ATP2B4: variants seen among roughly 807,000 people sequenced by gnomAD.
ATP2B4 encodes ATPase plasma membrane Ca2+ transporting 4, also known as plasma membrane calcium-transporting ATPase 4.
In ATP2B4, 39 loss-of-function variants were observed where a neutral mutation model predicts 110.3. The ratio of observed to expected loss-of-function variants is 0.35; its 90% CI spans 0.27 to 0.46. The LOEUF is 0.46. Ranked by LOEUF, ATP2B4 falls within the 20% of genes least tolerant of loss-of-function variation. ATP2B4 has a pLI of 1.00. For synonymous variants in ATP2B4, 538 were observed against 571.7 expected (o/e 0.94, Z 0.84); for missense variants, 1,135 against 1,530.9 (o/e 0.74, Z 4.32).
chr1:203,646,924 T>C (rs1663819377), intron 1 of ATP2B4, among the ~76,000 whole-genome samples: 1 of 152,106 alleles, frequency 6.6e-6, no homozygotes, highest in African/African-American at 2.4e-5. Flanking sequence ...TCTTTTAGTC[T>C]TTTATATACG....
chr1:203,672,324 CTTTTTTTTTTTTTTTTTTTTT>C (rs57144862), intron 1 of ATP2B4, among the ~76,000 whole-genome samples: 114 of 79,616 alleles, frequency 1.4e-3, no homozygotes, highest in Non-Finnish European at 1.8e-3. Context: ...TGCGGTGGCT[CTTTTTTTTTTTTTTTTTTTTT>C]TTTTTTTTTT....
intron 5 of ATP2B4, 133 bp from the exon 6 acceptor site, chr1:203,700,665 T>C (rs1571738069): frequency 7.8e-7 from 1 of 1,286,804 alleles, no homozygotes; most frequent in Non-Finnish European, 1.1e-6. Flanking sequence ...CTTGACCTTT[T>C]CCTACTGTGC....
chr1:203,733,570 C>A, intron 20 of ATP2B4: 3 of 568,252 alleles, frequency 5.3e-6, no homozygotes, highest in Non-Finnish European at 5.8e-6. Flanking sequence ...GACTGTGTGC[C>A]CTTGTATTTT....
chr1:203,732,174 A>G (rs1016791143), intron 20 of ATP2B4, among the ~76,000 whole-genome samples: 9 of 151,364 alleles, frequency 5.9e-5, no homozygotes, highest in Non-Finnish European at 1.0e-4. Context: ...AAAAAAAAAA[A>G]AAGGAAGGAA....
chr1:203,647,373 C>A (rs1315512640), intron 1 of ATP2B4, among the ~76,000 whole-genome samples: 3 of 151,760 alleles, frequency 2.0e-5, no homozygotes, highest in African/African-American at 7.3e-5. Flanking sequence ...GGCTTTGAGG[C>A]TGTAGTGAGC....
intron 14 of ATP2B4, 77 bp downstream of exon 14, chr1:203,713,329 A>G: frequency 6.5e-7 from 1 of 1,530,914 alleles, no homozygotes; most frequent in Non-Finnish European, 9.0e-7. Context: ...ACCACCAGCC[A>G]AAGCCACTCT....
chr1:203,669,538 G>A (rs956433559), intron 1 of ATP2B4, among the ~76,000 whole-genome samples: 1 of 152,150 alleles, frequency 6.6e-6, no homozygotes, highest in Non-Finnish European at 1.5e-5. Context: ...TCAGGTTCAA[G>A]CGATTCTCCT....
At position 203,700,138 on chromosome 1, in the gene ATP2B4, G is replaced by C. The variant is rs940558997; in HGVS notation, c.650-68G>C. 1.2e-5 allele frequency: 19 copies of C among 1,546,758 alleles called. No homozygotes were observed. In the Admixed American group the frequency reaches 2.1e-4, roughly 17 times the overall value. ...CCATGAGATAGGGTTGAAGGAGTTG[G>C]AGGACCCTACCCTCAGCCAGTCTCT... On this transcript the variant is annotated intron_variant, in intron 4 of 20. Transcript: ENST00000357681.
At chr1:203,651,367 T>C (rs1663988489) in intron 1 of ATP2B4, among the ~76,000 whole-genome samples, 1 of 152,328 alleles carries the variant, frequency 6.6e-6, no homozygotes, top group East Asian at 1.9e-4. Context: ...TGCTTATTTA[T>C]ATATGCTATT....
intron 1 of ATP2B4, among the ~76,000 whole-genome samples, chr1:203,645,298 C>G (rs1175189664): frequency 1.3e-5 from 2 of 152,302 alleles, no homozygotes; most frequent in East Asian, 3.9e-4. Flanking sequence ...TGTCATCCTG[C>G]CTGGGCCCTA....
At chr1:203,637,694 C>G (rs929702920) in intron 1 of ATP2B4, among the ~76,000 whole-genome samples, 1 of 152,166 alleles carries the variant, frequency 6.6e-6, no homozygotes, top group Non-Finnish European at 1.5e-5. Flanking sequence ...GTTGGCAGAG[C>G]CCTTGTTTGG....
In ATP2B4 at chr1:203,678,392, CTTTT is replaced by C. The variant is rs35598967; in HGVS notation, c.-464-4333_-464-4330del. Among the ~76,000 whole-genome samples, 6 of 100,200 alleles carry C rather than the reference CTTTT, an allele frequency of 6.0e-5. No homozygotes were observed. In the South Asian group the frequency reaches 1.6e-3, roughly 27 times the overall value. The allele number at this position is 100,200 out of a possible 152,430, so 65.7% of individuals were successfully genotyped here. Reference sequence around the variant, plus strand: ...TCTGGCAGCTCCTCATTTCTAGAGGCTTTTTTTTTTTTTTTTTTTTGAAGTCAGG... The same window carrying C: ...TCTGGCAGCTCCTCATTTCTAGAGGCTTTTTTTTTTTTTTTTGAAGTCAGG... On this transcript the variant is annotated intron_variant, in intron 1 of 20. Transcript: ENST00000357681.
At chr1:203,681,053 A>G (rs1397232672) in intron 1 of ATP2B4, among the ~76,000 whole-genome samples, 1 of 152,174 alleles carries the variant, frequency 6.6e-6, no homozygotes, top group Non-Finnish European at 1.5e-5. Context: ...CTGTGCCTAT[A>G]CCAGTCTGAA....
At chr1:203,720,148 C>G (rs1352779835) in intron 15 of ATP2B4, among the ~76,000 whole-genome samples, 2 of 152,120 alleles carry the variant, frequency 1.3e-5, no homozygotes, top group Admixed American at 6.6e-5. Flanking sequence ...TACTACTACT[C>G]CTAGAACAAA....
intron 1 of ATP2B4, among the ~76,000 whole-genome samples, chr1:203,644,700 T>A (rs879795661): frequency 4.6e-5 from 7 of 152,328 alleles, no homozygotes; most frequent in Admixed American, 4.6e-4. Context: ...CTTGCTCAGC[T>A]GGGCTTCAGT....
At chr1:203,675,025 G>A (rs937182567) in intron 1 of ATP2B4, among the ~76,000 whole-genome samples, 15 of 152,122 alleles carry the variant, frequency 9.9e-5, no homozygotes, top group Admixed American at 7.9e-4. Flanking sequence ...TAATAATACT[G>A]ATGCCATTTC....
At chr1:203,712,685 T>A (rs1666047616) in intron 13 of ATP2B4, among the ~76,000 whole-genome samples, 1 of 152,110 alleles carries the variant, frequency 6.6e-6, no homozygotes, top group Non-Finnish European at 1.5e-5. Flanking sequence ...CACTAACTTT[T>A]CTTGTCTTTC....
chr1:203,637,902 T>C (rs2102301150), intron 1 of ATP2B4, among the ~76,000 whole-genome samples: 2 of 152,314 alleles, frequency 1.3e-5, no homozygotes, highest in Non-Finnish European at 2.9e-5. Context: ...ATCCTCTGTC[T>C]AGTGGGATAC....
chr1:203,628,572 C>T (rs1409613826), intron 1 of ATP2B4, among the ~76,000 whole-genome samples: 2 of 152,164 alleles, frequency 1.3e-5, no homozygotes, highest in East Asian at 3.8e-4. Flanking sequence ...AAATCCCATT[C>T]TGCAGCGCCC....
Sources: gnomAD v4.1 joint callset for allele counts (sites outside exome capture counted in the v4.1 genomes callset) on GRCh38, gnomAD v4.1.1 for gene constraint, MANE v1.5 for transcripts, NCBI Gene and HGNC (gene_info 2026-07-23, HGNC 2026-07-21) for gene names.